The following ANK1 variants were observed in gnomAD, a reference collection of about 807,000 sequenced individuals.
The protein encoded by ANK1 is ankyrin 1, also known as ankyrin-1.
A neutral mutation model predicts 210.4 loss-of-function variants in ANK1; 51 were observed. That is an observed-to-expected ratio of 0.24 (90% CI 0.19 to 0.31). The LOEUF (loss-of-function observed/expected upper bound fraction) is 0.31, where lower values mean the gene tolerates loss of function less well. Ranked by LOEUF, ANK1 falls within the 10% of genes least tolerant of loss-of-function variation. The probability of loss-of-function intolerance (pLI) is 1.00; values close to 1 mark genes in which losing one functional copy is unlikely to be tolerated. For missense variants in ANK1, 2,051 were observed against 2,504.4 expected (o/e 0.82, Z 3.86); for synonymous variants, 967 against 1,025.9 (o/e 0.94, Z 1.10).
At chr8:41,784,159 C>T (rs1218942637) in intron 1 of ANK1, among the ~76,000 whole-genome samples, 1 of 152,058 alleles carries the variant, frequency 6.6e-6, no homozygotes, top group African/African-American at 2.4e-5. Context: ...CTTTATTTCC[C>T]CCACATAACA....
intron 21 of ANK1, 39 bp downstream of exon 21, chr8:41,702,013 A>C: frequency 6.3e-7 from 1 of 1,576,932 alleles, no homozygotes; most frequent in Non-Finnish European, 8.7e-7. Context: ...CGCCAGGCTG[A>C]GTGTGTCTGG....
At chr8:41,833,103 G>A (rs561740115) in intron 1 of ANK1, among the ~76,000 whole-genome samples, 1 of 152,346 alleles carries the variant, frequency 6.6e-6, no homozygotes, top group African/African-American at 2.4e-5. Context: ...GCGTGGGAGG[G>A]AAAGGCACAC....
chr8:41,761,040 G>A (rs1413944120), intron 1 of ANK1, among the ~76,000 whole-genome samples: 2 of 152,120 alleles, frequency 1.3e-5, no homozygotes, highest in African/African-American at 2.4e-5. Flanking sequence ...ATCTTGAGAC[G>A]AGATCATCCT....
intron 1 of ANK1, among the ~76,000 whole-genome samples, chr8:41,878,325 C>T (rs1045429267): frequency 1.3e-5 from 2 of 152,186 alleles, no homozygotes; most frequent in Non-Finnish European, 2.9e-5. Context: ...TTCAAGCTCA[C>T]CTCTGATATA....
intron 1 of ANK1, among the ~76,000 whole-genome samples, chr8:41,864,974 G>A (rs971093492): frequency 6.6e-6 from 1 of 152,210 alleles, no homozygotes; most frequent in Non-Finnish European, 1.5e-5. Context: ...ATGGCAAGAG[G>A]GGACCAGCCA....
intron 3 of ANK1, among the ~76,000 whole-genome samples, chr8:41,728,989 C>G (rs1831435512): frequency 1.3e-5 from 2 of 152,194 alleles, no homozygotes; most frequent in African/African-American, 4.8e-5. Context: ...GTCCCTCAGG[C>G]CCATACCTTT....
chr8:41,755,146 G>A (rs148326125), intron 2 of ANK1, among the ~76,000 whole-genome samples: 2,018 of 152,346 alleles, frequency 0.013, 13 homozygotes, highest in Non-Finnish European at 0.023. Flanking sequence ...TGTCACTGGC[G>A]CTGAGCCAAT....
rs187860348 is a variant in ANK1 at position 41,864,377 on chromosome 8, C to T, written c.126+31978G>A. Among the ~76,000 whole-genome samples, 481 of 152,214 alleles carry T rather than the reference C, an allele frequency of 3.2e-3. 3 individuals are homozygous for T. Among genetic ancestry groups the T allele is most frequent in the African/African-American group, 0.011 (453 of 41,522 alleles). The stretch of plus-strand genomic sequence containing the variant: ...TCTTTATTTAAATGCCTGGGAGACT[C>T]TTTTGATTGGCCGGTGGGATGTGGA... On this transcript the variant is annotated intron_variant, in intron 1 of 42. Coordinates refer to the ANK1 transcript ENST00000265709.
chr8:41,768,199 T>G (rs1842269702), intron 1 of ANK1, among the ~76,000 whole-genome samples: 1 of 152,168 alleles, frequency 6.6e-6, no homozygotes, highest in Non-Finnish European at 1.5e-5. Flanking sequence ...GGTGACATCA[T>G]CAAGAGTAGG....
chr8:41,797,437 G>A lies in ANK1; in HGVS notation c.27+75C>T. On this transcript the variant is annotated intron_variant, in intron 1 of 42. Coordinates refer to ENST00000289734, the MANE Select transcript of ANK1 (RefSeq NM_000037.4). The surrounding 1 kb of genome is among the most constrained non-coding windows in gnomAD (Gnocchi z 4.0). ...TGTGCAAAGCTGCTCTTGCTCGCGTGCTGCCTACTGGCGCGGCCTGGGTGG... is the reference window on the plus strand; with the variant it reads ...TGTGCAAAGCTGCTCTTGCTCGCGTACTGCCTACTGGCGCGGCCTGGGTGG... 1 of 1,377,854 alleles carries A rather than the reference G, an allele frequency of 7.3e-7. No homozygotes were observed. 85.4% of individuals were successfully genotyped at this position (1,377,854 alleles called of 1,614,324 possible).
intron 1 of ANK1, among the ~76,000 whole-genome samples, chr8:41,812,088 C>A (rs751035794): frequency 6.6e-6 from 1 of 152,176 alleles, no homozygotes; most frequent in Middle Eastern, 3.2e-3. Context: ...TCCCTTGGGG[C>A]TGATATTAAT....
At chr8:41,810,295 G>A (rs1370655967) in intron 1 of ANK1, among the ~76,000 whole-genome samples, 1 of 152,230 alleles carries the variant, frequency 6.6e-6, no homozygotes, top group African/African-American at 2.4e-5. Flanking sequence ...GACAAATGCT[G>A]AATGTGCACA....
intron 2 of ANK1, among the ~76,000 whole-genome samples, chr8:41,738,903 G>A (rs1042554207): frequency 2.0e-5 from 3 of 152,316 alleles, no homozygotes; most frequent in African/African-American, 7.2e-5. Context: ...TCAAATAACA[G>A]GGTGTAGAAG....
chr8:41,728,544 C>A (rs1214019482), intron 3 of ANK1, among the ~76,000 whole-genome samples: 1 of 152,098 alleles, frequency 6.6e-6, no homozygotes, highest in African/African-American at 2.4e-5. Flanking sequence ...TGCACTCATA[C>A]CCCCTCAATC....
At chr8:41,788,908 TCTC>T (rs1020703420) in intron 1 of ANK1, 1 of 152,274 alleles carries the variant, frequency 6.6e-6, no homozygotes, top group Non-Finnish European at 1.5e-5. Context: ...TTCATCCTCA[TCTC>T]CTACTCTGTC....
intron 16 of ANK1, among the ~76,000 whole-genome samples, chr8:41,712,824 A>G (rs1454458386): frequency 6.6e-6 from 1 of 152,244 alleles, no homozygotes; most frequent in Non-Finnish European, 1.5e-5. Flanking sequence ...TTTAAATATA[A>G]TGAACCTGGC....
At chr8:41,718,084 G>C (rs1828200093) in intron 11 of ANK1, 22 bp downstream of exon 11, 1 of 1,611,610 alleles carries the variant, frequency 6.2e-7, no homozygotes. Context: ...CTGCCCCCAG[G>C]CTCCTCTGCA....
chr8:41,850,185 G>A (rs978495727), intron 1 of ANK1, among the ~76,000 whole-genome samples: 21 of 152,236 alleles, frequency 1.4e-4, no homozygotes, highest in Admixed American at 6.5e-4. Context: ...TGGGGGTCCC[G>A]GCAACTTCCT....
chr8:41,795,972 C>T (rs957991908), intron 1 of ANK1, among the ~76,000 whole-genome samples: 4 of 152,204 alleles, frequency 2.6e-5, no homozygotes, highest in African/African-American at 9.7e-5. Context: ...CCCAAATACC[C>T]TGTCTTGGTC....
Sources: allele counts gnomAD v4.1 joint callset (sites outside exome capture counted in the v4.1 genomes callset), GRCh38; gene constraint gnomAD v4.1.1; non-coding constraint Gnocchi (gnomAD v3.1); transcripts MANE v1.5; gene names NCBI Gene and HGNC (gene_info 2026-07-23, HGNC 2026-07-21).